Variants in GLIS1 observed in about 807,000 individuals in gnomAD.
GLIS1 encodes the protein zinc finger protein GLIS1.
In GLIS1, 24 loss-of-function variants were observed where a neutral mutation model predicts 63.8. That is an observed-to-expected ratio of 0.38 (90% confidence interval 0.27 to 0.53). The LOEUF (loss-of-function observed/expected upper bound fraction) is 0.53, where lower values mean the gene tolerates loss of function less well. Ranked by LOEUF, GLIS1 falls within the 20% of genes least tolerant of loss-of-function variation. The pLI is 0.85. For synonymous variants in GLIS1, 450 were observed against 482.5 expected, an observed-to-expected ratio of 0.93 and a Z score of 0.88; for missense variants, 1,036 against 1,074.1, an observed-to-expected ratio of 0.96 and a Z score of 0.50.
rs1419512177 is a variant in GLIS1, at chr1:53,737,822, G to A, written c.243C>T (p.Ala81=). Residue 81 remains alanine, a synonymous_variant, in exon 2 of 11, where the codon GCC becomes GCT. Transcript: ENST00000628545. The stretch of plus-strand genomic sequence containing the variant: ...CGAACTCACCCTTCCCGGCGGCGGC[G>A]GCCTTGGATGGACCGTAGTCTCGGG... ...RSPRDYGPSK[A]AAAGKVNGSY... 2.4e-6 allele frequency: 3 copies of A among 1,231,074 alleles called. No homozygotes were observed. The highest frequency in any genetic ancestry group is 3.0e-6 in the Non-Finnish European group (3 of 987,454). The allele number at this position is 1,231,074 out of a possible 1,614,324, so 76.3% of individuals were successfully genotyped here.
intron 6 of GLIS1, among the ~76,000 whole-genome samples, chr1:53,523,497 G>A (rs1274505346): frequency 6.6e-6 from 1 of 152,184 alleles, no homozygotes; most frequent in Non-Finnish European, 1.5e-5. Flanking sequence ...AATACAGTAG[G>A]TGCTCTGTAA....
At chr1:53,643,690 G>A (rs1388412796) in intron 2 of GLIS1, among the ~76,000 whole-genome samples, 2 of 152,186 alleles carry the variant, frequency 1.3e-5, no homozygotes, top group East Asian at 3.8e-4. Context: ...GAACATGAGC[G>A]AACGGCGGGA....
chr1:53,677,117 C>G (rs1346879811), intron 2 of GLIS1, among the ~76,000 whole-genome samples: 5 of 152,232 alleles, frequency 3.3e-5, no homozygotes, highest in African/African-American at 1.2e-4. Flanking sequence ...ATGACGCCGG[C>G]CTACAGCTCT....
At chr1:53,687,669 C>A (rs1646353848) in intron 2 of GLIS1, among the ~76,000 whole-genome samples, 1 of 152,196 alleles carries the variant, frequency 6.6e-6, no homozygotes, top group South Asian at 2.1e-4. Flanking sequence ...GCCCCCGCCG[C>A]CCACCACCCA....
chr1:53,515,344 A>G (rs1447491378), intron 7 of GLIS1, among the ~76,000 whole-genome samples: 1 of 151,928 alleles, frequency 6.6e-6, no homozygotes, highest in Non-Finnish European at 1.5e-5. Context: ...TCCCCCAGAG[A>G]TATGCAAGCA....
intron 4 of GLIS1, among the ~76,000 whole-genome samples, chr1:53,545,512 A>G (rs1644688622): frequency 6.6e-6 from 1 of 152,266 alleles, no homozygotes; most frequent in African/African-American, 2.4e-5. Context: ...GAAAAAATCA[A>G]GTACCTAAAC....
At chr1:53,586,302 A>G (rs1185651041) in intron 4 of GLIS1, among the ~76,000 whole-genome samples, 1 of 151,964 alleles carries the variant, frequency 6.6e-6, no homozygotes, top group Non-Finnish European at 1.5e-5. Context: ...CCTACTAAAC[A>G]CTGTCTACTG....
chr1:53,699,340 A>C (rs1262125748), intron 2 of GLIS1, among the ~76,000 whole-genome samples: 1 of 152,166 alleles, frequency 6.6e-6, no homozygotes, highest in African/African-American at 2.4e-5. Flanking sequence ...CTGAGATTAC[A>C]GGCGTGAGCC....
chr1:53,515,279 C>G (rs12065502), intron 7 of GLIS1, among the ~76,000 whole-genome samples: 7 of 152,238 alleles, frequency 4.6e-5, no homozygotes, highest in African/African-American at 1.7e-4. Flanking sequence ...GCAGTGCCTT[C>G]TAACAGGCAG....
chr1:53,597,207 AAAAAC>A (rs1645266119), intron 3 of GLIS1, among the ~76,000 whole-genome samples: 9 of 140,534 alleles, frequency 6.4e-5, no homozygotes, highest in East Asian at 2.0e-4. Flanking sequence ...AAAAAAAAAA[AAAAAC>A]ACTACAAAAA....
intron 8 of GLIS1, 73 bp downstream of exon 8, chr1:53,514,552 C>G: frequency 1.4e-6 from 2 of 1,471,172 alleles, no homozygotes; most frequent in South Asian, 2.4e-5. Context: ...TAGTGCGGGA[C>G]ACCTGCTCTC....
At chr1:53,620,692 G>A (rs961025766) in intron 2 of GLIS1, among the ~76,000 whole-genome samples, 5 of 152,232 alleles carry the variant, frequency 3.3e-5, no homozygotes, top group African/African-American at 7.2e-5. Flanking sequence ...GGTGGAAGGC[G>A]GGAGACTGCA....
chr1:53,678,998 C>T (rs1465772974), intron 2 of GLIS1, among the ~76,000 whole-genome samples: 1 of 152,232 alleles, frequency 6.6e-6, no homozygotes, highest in Non-Finnish European at 1.5e-5. Context: ...TGACCCTCCA[C>T]AGCCTGGGAG....
At chr1:53,540,778 C>T (rs1276476641) in intron 4 of GLIS1, among the ~76,000 whole-genome samples, 2 of 152,226 alleles carry the variant, frequency 1.3e-5, no homozygotes, top group African/African-American at 4.8e-5. Context: ...AGGTGACAGA[C>T]GCATCCATGC....
intron 4 of GLIS1, among the ~76,000 whole-genome samples, chr1:53,534,426 G>A (rs1644562453): frequency 1.3e-5 from 2 of 152,038 alleles, no homozygotes; most frequent in African/African-American, 4.8e-5. Context: ...GCTTCCTGCT[G>A]CCAGTGTCCA....
Position 53,737,849 on chromosome 1 carries a change from A to T in GLIS1, c.216T>A (p.Ser72Arg). 1 of 1,231,078 alleles carries T rather than the reference A, an allele frequency of 8.1e-7. No individual in the cohort carries two copies. Among genetic ancestry groups the T allele is most frequent in the Non-Finnish European group, 1.0e-6 (1 of 987,526 alleles). 76.3% of individuals were successfully genotyped at this position (1,231,078 alleles called of 1,614,324 possible). Residue 72 changes from serine (S) to arginine (R), a missense_variant, in exon 2 of 11, where the codon AGT becomes AGA. By Grantham distance (110) the Ser-to-Arg change is moderately radical. Around this residue, in one of 3 missense-constraint regions of GLIS1, gnomAD observed 592 missense variants for 593.9 expected, o/e 1.00. Transcript: ENST00000628545. ...PRAHDLLRPRSPRDYGPSKAA... is the reference protein window; with the variant it reads ...PRAHDLLRPRRPRDYGPSKAA... The stretch of plus-strand genomic sequence containing the variant: ...CCTTGGATGGACCGTAGTCTCGGGG[A>T]CTGCGGGGCCGGAGGAGGTCGTGGG...
intron 4 of GLIS1, among the ~76,000 whole-genome samples, chr1:53,576,042 T>A (rs1450511087): frequency 1.3e-5 from 2 of 152,082 alleles, no homozygotes; most frequent in African/African-American, 4.8e-5. Flanking sequence ...GGAGACAGAC[T>A]TGCTTTCTCT....
intron 6 of GLIS1, among the ~76,000 whole-genome samples, chr1:53,522,994 T>TTTC (rs1256695716): frequency 1.3e-5 from 2 of 148,922 alleles, no homozygotes; most frequent in Non-Finnish European, 1.5e-5. Flanking sequence ...TTCTTTTTTT[T>TTTC]TTTTTTTTTT....
chr1:53,676,999 C>A (rs529849573), intron 2 of GLIS1, among the ~76,000 whole-genome samples: 126 of 152,330 alleles, frequency 8.3e-4, no homozygotes, highest in South Asian at 1.9e-3. Context: ...TAACACAGGT[C>A]TCTGGGACTG....
Sources: gnomAD v4.1 joint callset for allele counts (sites outside exome capture counted in the v4.1 genomes callset) on GRCh38, gnomAD v4.1.1 for gene constraint, gnomAD v4.1.1 regional missense constraint, MANE v1.5 for transcripts, NCBI Gene and HGNC (gene_info 2026-07-23, HGNC 2026-07-21) for gene names.